The following PFKL variants were observed in gnomAD, a reference collection of about 807,000 sequenced individuals.
PFKL encodes phosphofructokinase, liver type.
A neutral mutation model predicts 92.1 loss-of-function variants in PFKL; 74 were observed. That is an observed-to-expected ratio of 0.80 (90% CI 0.67 to 0.97). The LOEUF (loss-of-function observed/expected upper bound fraction) is 0.97, where lower values mean the gene tolerates loss of function less well. Among genes scored for constraint, PFKL ranks in the 50% least tolerant of loss-of-function variants. The probability of loss-of-function intolerance (pLI) is 0.00; values close to 1 mark genes in which losing one functional copy is unlikely to be tolerated. For missense variants in PFKL, 1,028 were observed against 1,116.6 expected, an observed-to-expected ratio of 0.92 and a Z score of 1.13; for synonymous variants, 494 against 456.4, an observed-to-expected ratio of 1.08 and a Z score of -1.05.
At position 44,312,898 on chromosome 21, in the gene PFKL, G is replaced by A. The variant is rs563423956; in HGVS notation, c.428-80G>A. The A allele has an allele frequency of 1.8e-5, 27 of 1,464,014 alleles. 1 individual carries two copies. In the Middle Eastern group the frequency reaches 3.5e-3, roughly 189 times the overall value. 90.7% of individuals were successfully genotyped at this position (1,464,014 alleles called of 1,614,324 possible). On this transcript the variant is annotated intron_variant, in intron 4 of 21. Coordinates refer to ENST00000349048, the MANE Select transcript of PFKL (RefSeq NM_002626.6). Reference sequence around the variant, plus strand: ...CTGCACGCCTGGGATGCGGGGGAAGGGGTGGCAGGAGAGGGGTCTCTGGCC... The same window carrying A: ...CTGCACGCCTGGGATGCGGGGGAAGAGGTGGCAGGAGAGGGGTCTCTGGCC...
At chr21:44,317,079 C>G (rs1467438964) in intron 9 of PFKL, among the ~76,000 whole-genome samples, 2 of 152,214 alleles carry the variant, frequency 1.3e-5, no homozygotes, top group African/African-American at 4.8e-5. Flanking sequence ...GTCCTTGGTC[C>G]TGATCACCGC....
intron 14 of PFKL, among the ~76,000 whole-genome samples, chr21:44,322,468 C>T (rs1360221210): frequency 6.6e-6 from 1 of 152,198 alleles, no homozygotes; most frequent in Admixed American, 6.5e-5. Context: ...CTGTCCCTGC[C>T]TGGCCAGGCC....
chr21:44,316,027 T>C, intron 7 of PFKL: 1 of 577,710 alleles, frequency 1.7e-6, no homozygotes, highest in African/African-American at 1.9e-5. Flanking sequence ...AGAGCCCTCT[T>C]GTTCACCGCC....
chr21:44,313,813 G>A, intron 6 of PFKL, 100 bp from the exon 7 acceptor site: 1 of 1,325,644 alleles, frequency 7.5e-7, no homozygotes, highest in Non-Finnish European at 1.0e-6. Context: ...GGCCGGGAGA[G>A]ACAGAGAAGC....
chr21:44,311,408 A>G (rs1211850594), intron 3 of PFKL, among the ~76,000 whole-genome samples: 2 of 152,210 alleles, frequency 1.3e-5, no homozygotes, highest in Admixed American at 1.3e-4. Context: ...GCACACAGAC[A>G]TGGAGACAGA....
At chr21:44,304,356 C>A (rs974569665) in intron 1 of PFKL, 2 of 1,286,742 alleles carry the variant, frequency 1.6e-6, no homozygotes, top group Admixed American at 2.3e-5. Flanking sequence ...TTGACTCCGC[C>A]TGGAGCTGGG....
At chr21:44,317,464 G>A (rs1009899563) in intron 9 of PFKL, among the ~76,000 whole-genome samples, 12 of 152,200 alleles carry the variant, frequency 7.9e-5, no homozygotes, top group Non-Finnish European at 1.3e-4. Context: ...TTGAGGGGCC[G>A]GGGACATCAG....
Position 44,324,874 on chromosome 21 carries a change from A to T in PFKL, c.1834A>T (p.Thr612Ser), listed in dbSNP as rs1352465234. The T allele has an allele frequency of 1.9e-6, 3 of 1,608,782 alleles. No individual in the cohort carries two copies. The highest frequency in any genetic ancestry group is 2.5e-6 in the Non-Finnish European group (3 of 1,177,860). The change falls in exon 18 of 22, where the codon ACG becomes TCG. Residue 612 changes from threonine (T) to serine (S), a missense_variant. Thr to Ser is a moderately conservative substitution (Grantham distance 58). Coordinates refer to ENST00000349048, the MANE Select transcript of PFKL (RefSeq NM_002626.6). ...CCCGCAGGTCAACGTGGAGCACATG[A>T]CGGAGAAGATGAAGACAGACATTCA... ...HDLKVNVEHM[T>S]EKMKTDIQRG...
intron 5 of PFKL, 26 bp downstream of exon 5, chr21:44,313,169 A>T: frequency 6.2e-7 from 1 of 1,610,510 alleles, no homozygotes; most frequent in Non-Finnish European, 8.5e-7. Context: ...GCCGGCGGCC[A>T]GCCCAGGGCC....
At position 44,300,140 on chromosome 21, in the gene PFKL, C is replaced by T. The variant is rs2040723997; in HGVS notation, c.35C>T (p.Ser12Leu). Residue 12 changes from serine to leucine, a missense_variant, in exon 1 of 22, where the codon TCG becomes TTG. Coordinates refer to ENST00000349048, the MANE Select transcript of PFKL (RefSeq NM_002626.6). ...GTGGACCTGGAGAAGCTGCGGGCGT[C>T]GGGCGCGGGCAAGGCCATCGGCGTC... ...AAVDLEKLRA[S>L]GAGKAIGVLT... 3.4e-6 allele frequency: 4 copies of T among 1,192,350 alleles called. No homozygotes were observed. Among genetic ancestry groups the T allele is most frequent in the Non-Finnish European group, 4.2e-6 (4 of 946,208 alleles). The allele number at this position is 1,192,350 out of a possible 1,614,324, so 73.9% of individuals were successfully genotyped here.
chr21:44,313,165 G>C (rs368551525), intron 5 of PFKL, 22 bp downstream of exon 5: 1 of 1,610,538 alleles, frequency 6.2e-7, no homozygotes, highest in East Asian at 2.2e-5. Flanking sequence ...TGGCGCCGGC[G>C]GCCAGCCCAG....
chr21:44,305,712 G>C, intron 1 of PFKL: 1 of 1,247,720 alleles, frequency 8.0e-7, no homozygotes. Flanking sequence ...GATATCTTTT[G>C]AGATGGGGGC....
Position 44,327,148 on chromosome 21 carries a change from CT to C in PFKL, c.*287del, listed in dbSNP as rs1398590380. On this transcript the variant is annotated 3_prime_UTR_variant, in exon 22 of 22. Transcript: ENST00000349048. Reference sequence around the variant, plus strand: ...GTCGGTGTTTGGAGGCTGCTGCCCCCTGGCTTTGGCGCCCCATGGGCCCTCA... The same window carrying C: ...GTCGGTGTTTGGAGGCTGCTGCCCCCGGCTTTGGCGCCCCATGGGCCCTCA... 2 of 478,068 alleles carry C rather than the reference CT, an allele frequency of 4.2e-6. No homozygotes were observed. The highest frequency in any genetic ancestry group is 3.9e-5 in the African/African-American group (2 of 51,380). The allele number at this position is 478,068 out of a possible 1,614,324, so 29.6% of individuals were successfully genotyped here. A position where few individuals can be genotyped will look rare whatever the true frequency, so the allele number is the denominator to read the frequency against.
chr21:44,318,278 T>A (rs2047263179), intron 9 of PFKL, among the ~76,000 whole-genome samples, 192 bp from the exon 10 acceptor site: 1 of 152,182 alleles, frequency 6.6e-6, no homozygotes, highest in East Asian at 1.9e-4. Flanking sequence ...GCGAGGACTC[T>A]GTGAAATGGT....
rs754136705 is a variant in PFKL at position 44,319,326 on chromosome 21, CTG to C, written c.1063-21_1063-20del. ...GTGTGCGGGCCAGGCTCTCCATAGT[CTG>C]TGTTCTGTTTCTCTTCCTTAAGACC... On this transcript the variant is annotated intron_variant, in intron 10 of 21. Transcript: ENST00000349048. The C allele has an allele frequency of 6.8e-6, 11 of 1,606,314 alleles. No homozygotes were observed. In the Middle Eastern group the frequency reaches 6.6e-4, roughly 96 times the overall value.
chr21:44,309,701 G>A (rs1339887111), intron 2 of PFKL, among the ~76,000 whole-genome samples: 1 of 152,198 alleles, frequency 6.6e-6, no homozygotes, highest in Admixed American at 6.5e-5. Flanking sequence ...TGGGGCTGTG[G>A]GTTTGGGATC....
At chr21:44,314,377 A>G (rs900634988) in intron 7 of PFKL, 6 of 268,824 alleles carry the variant, frequency 2.2e-5, no homozygotes, top group Admixed American at 1.5e-4. Flanking sequence ...TGGCCCCAGC[A>G]AGGTCCAGAC....
rs1179179607 is a variant in PFKL at position 44,321,873 on chromosome 21, C to T, written c.1336C>T (p.Gln446Ter). The change falls in exon 13 of 22, where the codon CAG becomes TAG. Residue 446 changes from glutamine to a stop codon, truncating the protein, a stop_gained and splice_region_variant. Transcript: ENST00000349048. LOFTEE classifies it high-confidence loss of function. Reference protein sequence around the residue: ...HDGFEGLAKGQVQEVGWHDVA... With the variant: ...HDGFEGLAKG The stretch of plus-strand genomic sequence containing the variant: ...TGGCTTCGAAGGCCTAGCCAAGGGT[C>T]AGGTGGGTCCGGCCGGGGCAAACAA... 2.0e-6 allele frequency: 3 copies of T among 1,536,826 alleles called. No individual in the cohort carries two copies. Among genetic ancestry groups the T allele is most frequent in the African/African-American group, 2.8e-5 (2 of 72,452 alleles).
In PFKL at chr21:44,326,184, CTCGGCCTGCGTGA is replaced by C; in HGVS notation, c.2124_2136del (p.Cys708Ter). On this transcript the variant is annotated frameshift_variant, in exon 21 of 22. Transcript: ENST00000349048. LOFTEE classifies it high-confidence loss of function. ...GACGGGTGTTCGCCAATGCCCCAGA[CTCGGCCTGCGTGA>C]TCGGCCTGAAGAAGAAGGCGGTGGC... The C allele has an allele frequency of 6.2e-7, 1 of 1,613,014 alleles. No homozygotes were observed.
Sources: allele counts gnomAD v4.1 joint callset (sites outside exome capture counted in the v4.1 genomes callset), GRCh38; gene constraint gnomAD v4.1.1; transcripts MANE v1.5; gene names NCBI Gene and HGNC (gene_info 2026-07-23, HGNC 2026-07-21).